The following KRT83 variants were observed in gnomAD, a reference collection of about 807,000 sequenced individuals.
The protein encoded by KRT83 is keratin, type II cuticular Hb3.
A neutral mutation model predicts 52.9 loss-of-function variants in KRT83; 51 were observed. The observed-to-expected ratio is 0.96, with a 90% CI of 0.77 to 1.22. The LOEUF (loss-of-function observed/expected upper bound fraction) is 1.22, where lower values mean the gene tolerates loss of function less well. Among genes scored for constraint, KRT83 ranks in the 50% most tolerant of loss-of-function variants. The pLI, the probability that KRT83 is intolerant of heterozygous loss-of-function variation, is 0.00. For missense variants in KRT83, 654 were observed against 666.5 expected (o/e 0.98, Z 0.21); for synonymous variants, 278 against 274.1 (o/e 1.01, Z -0.14).
chr12:52,318,073 C>T (rs1938714582), intron 2 of KRT83, 103 bp from the exon 3 acceptor site: 2 of 1,068,724 alleles, frequency 1.9e-6, no homozygotes, highest in Non-Finnish European at 1.4e-6. Context: ...CCCTGCTTGT[C>T]TCCTGCCCCC....
intron 2 of KRT83, 47 bp downstream of exon 2, chr12:52,319,109 C>A (rs1206778768): frequency 6.2e-7 from 1 of 1,611,884 alleles, no homozygotes; most frequent in Non-Finnish European, 8.5e-7. Flanking sequence ...CAGGGAGCTG[C>A]CACCATGCTA....
intron 4 of KRT83, 41 bp downstream of exon 4, chr12:52,317,637 TCCC>T: frequency 6.3e-7 from 1 of 1,597,496 alleles, no homozygotes; most frequent in South Asian, 1.1e-5. Context: ...GGGTCAGGGA[TCCC>T]ATGGGGGGAT....
intron 3 of KRT83, 55 bp from the exon 4 acceptor site, chr12:52,317,831 C>G: frequency 1.2e-6 from 2 of 1,611,806 alleles, no homozygotes; most frequent in South Asian, 2.2e-5. Flanking sequence ...GCTCTGAGGA[C>G]CTGGCTGCCA....
At chr12:52,315,823 C>T in intron 7 of KRT83, 70 bp downstream of exon 7, 1 of 1,604,498 alleles carries the variant, frequency 6.2e-7, no homozygotes, top group South Asian at 1.1e-5. Flanking sequence ...GGGACTGAGA[C>T]TGAGATAGGG....
At chr12:52,318,035 T>C (rs1938714069) in intron 2 of KRT83, 65 bp from the exon 3 acceptor site, 1 of 1,430,494 alleles carries the variant, frequency 7.0e-7, no homozygotes, top group Admixed American at 1.7e-5. Context: ...TGAGCATATA[T>C]GCAAAGGAGT....
intron 6 of KRT83, among the ~76,000 whole-genome samples, 171 bp from the exon 7 acceptor site, chr12:52,316,284 A>ACACACACACACACACACACACACC (rs1363143550): frequency 8.4e-6 from 1 of 119,050 alleles, no homozygotes; most frequent in Non-Finnish European, 1.9e-5. Context: ...ACACACACAC[A>ACACACACACACACACACACACACC]CCACACAGAT....
Position 52,320,975 on chromosome 12 carries a change from T to C in KRT83, c.361A>G (p.Arg121Gly). 1 of 1,613,862 alleles carries C rather than the reference T, an allele frequency of 6.2e-7. No individual in the cohort carries two copies. The highest frequency in any genetic ancestry group is 8.5e-7 in the Non-Finnish European group (1 of 1,179,870). The change falls in exon 1 of 9, where the codon AGA becomes GGA. Residue 121 changes from arginine to glycine, a missense_variant. Coordinates refer to ENST00000293670, the MANE Select transcript of KRT83 (RefSeq NM_002282.3). The stretch of plus-strand genomic sequence containing the variant: ...ACCTTGTCGATGAAGGCCGCGAATC[T>C]GCTGTTGAGGGACTTGATCTGCTCC... ...EKEQIKSLNSRFAAFIDKVRF... is the reference protein window; with the variant it reads ...EKEQIKSLNSGFAAFIDKVRF...
chr12:52,321,346 A>G lies in KRT83; in HGVS notation c.-11T>C, dbSNP rs369225079. ...GAAGCCACAGGTCATGACGGAGGTT[A>G]GGAGGTGTCTGAACAGTGGAGTAGA... On this transcript the variant is annotated 5_prime_UTR_variant, in exon 1 of 9. Coordinates refer to ENST00000293670, the MANE Select transcript of KRT83 (RefSeq NM_002282.3). 183 of 1,613,582 alleles carry G rather than the reference A, an allele frequency of 1.1e-4. No individual in the cohort carries two copies. Among genetic ancestry groups the G allele is most frequent in the Non-Finnish European group, 1.5e-4 (173 of 1,180,016 alleles).
chr12:52,319,266 A>C lies in KRT83; in HGVS notation c.483T>G (p.Ala161=), dbSNP rs1009536233. The change falls in exon 2 of 9, where the codon GCT becomes GCG. Residue 161 remains alanine (A), a synonymous_variant. Coordinates refer to ENST00000293670, the MANE Select transcript of KRT83 (RefSeq NM_002282.3). The stretch of plus-strand genomic sequence containing the variant: ...CCCGCCGCAGAGTCTCGATGTAGCC[A>C]GCAAACAGGGGCTCCAGGTTACTCT... The part of the protein sequence containing the change: ...CCQSNLEPLF[A]GYIETLRREA... 4.3e-6 allele frequency: 7 copies of C among 1,613,910 alleles called. No homozygotes were observed. In the African/African-American group the frequency reaches 9.3e-5, roughly 22 times the overall value.
chr12:52,320,195 C>A (rs191036624), intron 1 of KRT83, among the ~76,000 whole-genome samples: 2 of 152,172 alleles, frequency 1.3e-5, no homozygotes, highest in African/African-American at 4.8e-5. Context: ...TTCTGGTGGG[C>A]ATCTCTCTAG....
chr12:52,314,496 G>T lies in KRT83; in HGVS notation c.*135C>A, dbSNP rs956056629. On this transcript the variant is annotated 3_prime_UTR_variant, in exon 9 of 9. Transcript: ENST00000293670. ...GGATGAAAGGTGGGGAGGAGCCGCT[G>T]GTGGGAATGAGCCGATGGTGTATTC... The T allele has an allele frequency of 5.3e-5, 45 of 843,282 alleles. No individual in the cohort carries two copies. In the South Asian group the frequency reaches 6.1e-4, roughly 12 times the overall value. 52.2% of individuals were successfully genotyped at this position (843,282 alleles called of 1,614,324 possible).
At chr12:52,315,172 G>A (rs1938666925) in intron 8 of KRT83, 140 bp downstream of exon 8, 1 of 909,134 alleles carries the variant, frequency 1.1e-6, no homozygotes, top group Non-Finnish European at 1.8e-6. Flanking sequence ...ACCTCAGTCT[G>A]TCTTGCTGCA....
Position 52,319,162 on chromosome 12 carries a change from T to C in KRT83, c.587A>G (p.Lys196Arg). 3 of 1,613,264 alleles carry C rather than the reference T, an allele frequency of 1.9e-6. No homozygotes were observed. Among genetic ancestry groups the C allele is most frequent in the Middle Eastern group, 3.7e-4 (2 of 5,456 alleles). ...NHVQEVLEGYKKKYEEEVALR... is the reference protein window; with the variant it reads ...NHVQEVLEGYRKKYEEEVALR... The stretch of plus-strand genomic sequence containing the variant: ...CCCTCCTGCCCACACTCACTTCTTC[T>C]TGTAGCCCTCCAGCACCTCCTGCAC... Residue 196 changes from lysine to arginine, a missense_variant, in exon 2 of 9, where the codon AAG (lysine) becomes AGG (arginine). Transcript: ENST00000293670.
intron 1 of KRT83, among the ~76,000 whole-genome samples, 194 bp downstream of exon 1, chr12:52,320,758 C>T (rs1355236399): frequency 3.9e-5 from 6 of 152,198 alleles, no homozygotes; most frequent in African/African-American, 1.4e-4. Context: ...TTCAGTTAAT[C>T]TCCCCCATCA....
In KRT83 at chr12:52,319,465, CAG is replaced by C; in HGVS notation, c.385-103_385-102del. 6 of 1,516,958 alleles carry C rather than the reference CAG, an allele frequency of 4.0e-6. No homozygotes were observed. In the South Asian group the frequency reaches 7.0e-5, roughly 18 times the overall value. The allele number at this position is 1,516,958 out of a possible 1,614,324, so 94.0% of individuals were successfully genotyped here. A position where few individuals can be genotyped will look rare whatever the true frequency, so the allele number is the denominator to read the frequency against. On this transcript the variant is annotated intron_variant, in intron 1 of 8. Coordinates refer to ENST00000293670, the MANE Select transcript of KRT83 (RefSeq NM_002282.3). ...CCTGAAAGCCCCCAACTCTCTGACC[CAG>C]AGTCTTCCCTGGAAGGCGTTATGTC... is the stretch of plus-strand genomic sequence containing the variant.
chr12:52,320,928 G>A (rs551528470), intron 1 of KRT83, 24 bp downstream of exon 1: 5 of 1,613,816 alleles, frequency 3.1e-6, no homozygotes, highest in Admixed American at 1.7e-5. Context: ...GTTCAGGAAG[G>A]GTGTGATCCA....
Position 52,319,330 on chromosome 12 carries a change from T to C in KRT83, c.419A>G (p.Glu140Gly), listed in dbSNP as rs1295107637. 1.2e-6 allele frequency: 2 copies of C among 1,614,030 alleles called. No homozygotes were observed. Among genetic ancestry groups the C allele is most frequent in the East Asian group, 4.5e-5 (2 of 44,886 alleles). Residue 140 changes from glutamate (E) to glycine (G), a missense_variant, in exon 2 of 9, where the codon GAG (glutamate) becomes GGG (glycine). Glu to Gly is a moderately conservative substitution (Grantham distance 98, BLOSUM62 -2). Transcript: ENST00000293670. ...RFLEQQNKLL[E>G]TKLQFYQNRE... ...GTTTTGGTAGAACTGCAGCTTTGTC[T>C]CCAGCAGCTTGTTCTGCTGCTCCAG...
At chr12:52,317,648 G>T (rs1307497169) in intron 4 of KRT83, 33 bp downstream of exon 4, 4 of 1,605,692 alleles carry the variant, frequency 2.5e-6, no homozygotes, top group Non-Finnish European at 3.4e-6. Flanking sequence ...CCCATGGGGG[G>T]ATCTGTGCCC....
At position 52,315,330 on chromosome 12, in the gene KRT83, C is replaced by T. The variant is rs752305742; in HGVS notation, c.1276G>A (p.Val426Ile). 2 of 1,613,886 alleles carry T rather than the reference C, an allele frequency of 1.2e-6. No homozygotes were observed. The highest frequency in any genetic ancestry group is 1.1e-5 in the South Asian group (1 of 91,074). ...EGEEQRLCEG[V>I]EAVNVCVSSS... is the part of the protein sequence containing the mutation. Reference sequence around the variant, plus strand: ...TACTTACAGACATTCACAGCTTCAACACCTTCACACAGCCTGAGTGGGGAA... The same window carrying T: ...TACTTACAGACATTCACAGCTTCAATACCTTCACACAGCCTGAGTGGGGAA... Residue 426 changes from valine (V) to isoleucine (I), a missense_variant, in exon 8 of 9, where the codon GTT (valine) becomes ATT (isoleucine). Coordinates refer to ENST00000293670, the MANE Select transcript of KRT83 (RefSeq NM_002282.3).
Sources: gnomAD v4.1 joint callset for allele counts (sites outside exome capture counted in the v4.1 genomes callset) on GRCh38, gnomAD v4.1.1 for gene constraint, MANE v1.5 for transcripts, NCBI Gene and HGNC (gene_info 2026-07-23, HGNC 2026-07-21) for gene names.